DNAH5: variants seen among roughly 807,000 people sequenced by gnomAD.
DNAH5 encodes axonemal beta dynein heavy chain 5.
A neutral mutation model predicts 518.2 loss-of-function variants in DNAH5; 372 were observed. That is an observed-to-expected ratio of 0.72 (90% CI 0.66 to 0.78). DNAH5 has a LOEUF of 0.78. Among genes scored for constraint, DNAH5 ranks in the 30% least tolerant of loss-of-function variants. The pLI is 0.00. For synonymous variants in DNAH5, 2,039 were observed against 2,025.9 expected (o/e 1.01, Z -0.17); for missense variants, 5,523 against 5,687.0 (o/e 0.97, Z 0.93).
At chr5:13,995,657 A>G (rs1325680990) in intron 1 of DNAH5, among the ~76,000 whole-genome samples, 1 of 152,242 alleles carries the variant, frequency 6.6e-6, no homozygotes, top group East Asian at 1.9e-4. Flanking sequence ...AAATGTTTTA[A>G]TTAACTTCCT....
At chr5:13,824,971 G>GT (rs1762706843) in intron 38 of DNAH5, among the ~76,000 whole-genome samples, 1 of 152,162 alleles carries the variant, frequency 6.6e-6, no homozygotes, top group Non-Finnish European at 1.5e-5. Context: ...GTGAAAAACA[G>GT]TAAGGTGGTT....
chr5:13,792,239 C>T, intron 49 of DNAH5, 22 bp from the exon 50 acceptor site: 1 of 1,587,056 alleles, frequency 6.3e-7, no homozygotes, highest in Non-Finnish European at 8.7e-7. Flanking sequence ...GAAATTACAG[C>T]ATTTTGATTA....
chr5:13,944,560 G>T lies in DNAH5; in HGVS notation c.-122C>A, dbSNP rs186779501. 6.1e-6 allele frequency: 5 copies of T among 815,432 alleles called. No homozygotes were observed. In the East Asian group the frequency reaches 7.9e-5, roughly 13 times the overall value. 50.5% of individuals were successfully genotyped at this position (815,432 alleles called of 1,614,324 possible). A position where few individuals can be genotyped will look rare whatever the true frequency, so the allele number is the denominator to read the frequency against. On this transcript the variant is annotated 5_prime_UTR_variant, in exon 1 of 79. Coordinates refer to ENST00000265104, the MANE Select transcript of DNAH5 (RefSeq NM_001369.3). ...AGTTTTACTTCCATTTTACTTTCAC[G>T]TTTCTAATTTGCATGTATTATTCAC...
chr5:13,880,264 T>A (rs1392631398), intron 21 of DNAH5, among the ~76,000 whole-genome samples: 3 of 152,196 alleles, frequency 2.0e-5, no homozygotes, highest in Non-Finnish European at 4.4e-5. Context: ...TGAGAGAGTT[T>A]ATCACCACAA....
chr5:13,783,545 T>A (rs1755515958), intron 52 of DNAH5, among the ~76,000 whole-genome samples: 1 of 152,098 alleles, frequency 6.6e-6, no homozygotes. Context: ...AGCCCGTTGT[T>A]CTGGATCACA....
At chr5:13,808,662 C>T (rs191549283) in intron 46 of DNAH5, among the ~76,000 whole-genome samples, 1 of 152,292 alleles carries the variant, frequency 6.6e-6, no homozygotes, top group South Asian at 2.1e-4. Context: ...ATAATAAATG[C>T]AGGATGCTTC....
At chr5:13,736,421 T>G (rs1747439379) in intron 66 of DNAH5, among the ~76,000 whole-genome samples, 1 of 152,016 alleles carries the variant, frequency 6.6e-6, no homozygotes, top group East Asian at 1.9e-4. Context: ...TGATACGGAG[T>G]TTTGCTCTTG....
At chr5:13,875,464 TC>T (rs1409239741) in intron 22 of DNAH5, among the ~76,000 whole-genome samples, 44 of 26,848 alleles carry the variant, frequency 1.6e-3, no homozygotes, top group Admixed American at 2.5e-3. Flanking sequence ...TGAAACTCCT[TC>T]AAAAAAAAAA....
At chr5:13,976,104 G>A (rs1487247433) in intron 1 of DNAH5, among the ~76,000 whole-genome samples, 2 of 152,212 alleles carry the variant, frequency 1.3e-5, no homozygotes, top group Non-Finnish European at 2.9e-5. Context: ...CCAAGTCCAA[G>A]ATAATCACAA....
chr5:13,919,389 GGGGCTGGA>G, intron 6 of DNAH5, 37 bp from the exon 7 acceptor site: 2 of 1,608,800 alleles, frequency 1.2e-6, no homozygotes, highest in Non-Finnish European at 1.7e-6. Context: ...GCCATTGCAC[GGGGCTGGA>G]GACGCTAAAG....
chr5:13,742,883 C>A (rs1204643730), intron 65 of DNAH5, among the ~76,000 whole-genome samples: 1 of 151,802 alleles, frequency 6.6e-6, no homozygotes, highest in Non-Finnish European at 1.5e-5. Flanking sequence ...AATACTTGGG[C>A]TCTAGAAAGT....
chr5:13,949,459 G>T (rs908303095), upstream of DNAH5, among the ~76,000 whole-genome samples: 1 of 152,154 alleles, frequency 6.6e-6, no homozygotes, highest in Non-Finnish European at 1.5e-5. Flanking sequence ...GGAGTGATAT[G>T]GTTGGTTGAT....
intron 1 of DNAH5, among the ~76,000 whole-genome samples, chr5:13,972,501 C>G (rs566629507): frequency 6.6e-6 from 1 of 152,314 alleles, no homozygotes; most frequent in South Asian, 2.1e-4. Context: ...ACCAAGAGTG[C>G]CCACAGGACT....
intron 61 of DNAH5, 25 bp downstream of exon 61, chr5:13,758,821 C>A: frequency 1.2e-6 from 2 of 1,613,844 alleles, no homozygotes; most frequent in Non-Finnish European, 1.7e-6. Context: ...ATGTGACAGT[C>A]CCTGCCATGA....
intron 59 of DNAH5, among the ~76,000 whole-genome samples, chr5:13,763,848 G>T (rs1452753825): frequency 1.3e-5 from 2 of 152,188 alleles, no homozygotes; most frequent in African/African-American, 4.8e-5. Context: ...CAAGAGCAGG[G>T]GCTTTGCCAC....
At chr5:13,959,118 T>C (rs1038848513) in intron 1 of DNAH5, among the ~76,000 whole-genome samples, 3 of 152,314 alleles carry the variant, frequency 2.0e-5, no homozygotes, top group Middle Eastern at 3.4e-3. Flanking sequence ...AGCTAATGTT[T>C]GTATTTTTAT....
intron 32 of DNAH5, among the ~76,000 whole-genome samples, chr5:13,844,286 C>G (rs1250467887): frequency 6.6e-6 from 1 of 152,170 alleles, no homozygotes; most frequent in Non-Finnish European, 1.5e-5. Context: ...CAATATCTAA[C>G]AAGAAGAGTC....
chr5:13,989,531 T>C (rs1318210629), intron 1 of DNAH5, among the ~76,000 whole-genome samples: 1 of 149,282 alleles, frequency 6.7e-6, no homozygotes, highest in East Asian at 2.0e-4. Context: ...TCGCCCAGGC[T>C]GGAGTGCAGT....
chr5:13,942,578 G>A (rs756246861), intron 1 of DNAH5, among the ~76,000 whole-genome samples: 5 of 152,168 alleles, frequency 3.3e-5, no homozygotes, highest in African/African-American at 7.2e-5. Flanking sequence ...AAGAACCCCT[G>A]TAGAGGGTAC....
Sources: gnomAD v4.1 joint callset for allele counts (sites outside exome capture counted in the v4.1 genomes callset) on GRCh38, gnomAD v4.1.1 for gene constraint, MANE v1.5 for transcripts, NCBI Gene and HGNC (gene_info 2026-07-23, HGNC 2026-07-21) for gene names.